The following BRAF variants were observed in gnomAD, a reference collection of about 807,000 sequenced individuals.
BRAF encodes the protein serine/threonine-protein kinase B-raf.
In BRAF, 16 loss-of-function variants were observed where a neutral mutation model predicts 104.6. The ratio of observed to expected loss-of-function variants is 0.15; its 90% CI spans 0.10 to 0.23. The LOEUF is 0.23. BRAF is among the 10% of genes least tolerant of loss of function. The pLI, the probability that BRAF is intolerant of heterozygous loss-of-function variation, is 1.00. For synonymous variants in BRAF, 310 were observed against 341.6 expected, an observed-to-expected ratio of 0.91 and a Z score of 1.02; for missense variants, 541 against 937.3, an observed-to-expected ratio of 0.58 and a Z score of 5.52.
intron 1 of BRAF, among the ~76,000 whole-genome samples, chr7:140,909,633 C>T (rs925200371): frequency 2.6e-5 from 4 of 152,106 alleles, no homozygotes; most frequent in African/African-American, 9.7e-5. Context: ...ACGTGATTTT[C>T]TAAAGGGGTG....
Position 140,804,186 on chromosome 7 carries a change from A to G in BRAF, c.712-2626T>C, listed in dbSNP as rs1004962246. 7.0e-4 allele frequency among the ~76,000 whole-genome samples: 105 copies of G among 150,872 alleles called. 4 individuals carry two copies. Among genetic ancestry groups the G allele is most frequent in the Non-Finnish European group, 1.3e-4 (9 of 67,826 alleles). On this transcript the variant is annotated intron_variant, in intron 5 of 19. Coordinates refer to ENST00000644969, the MANE Select transcript of BRAF (RefSeq NM_001374258.1). ...ATGAGCCACCACACTCGGCCTCTAT[A>G]TTCTTAATTCATTTCAGTTTTTCAG... is the stretch of plus-strand genomic sequence containing the variant.
downstream of BRAF, among the ~76,000 whole-genome samples, chr7:140,717,352 C>T (rs1585875930): frequency 6.6e-6 from 1 of 152,106 alleles, no homozygotes; most frequent in East Asian, 1.9e-4. Flanking sequence ...GCAATCACAG[C>T]TCACTGCAGC....
At chr7:140,734,528 T>C (rs1796218202) in intron 19 of BRAF, 10 of 1,611,324 alleles carry the variant, frequency 6.2e-6, no homozygotes, top group Non-Finnish European at 8.5e-6. Context: ...CAATTTAACA[T>C]ATAAGCAAAC....
intron 1 of BRAF, among the ~76,000 whole-genome samples, chr7:140,905,096 T>C (rs1249627090): frequency 6.6e-6 from 1 of 152,202 alleles, no homozygotes; most frequent in Non-Finnish European, 1.5e-5. Flanking sequence ...TCCTACATGC[T>C]TGAAAAGAAT....
chr7:140,890,765 G>A (rs1814128689), intron 1 of BRAF, among the ~76,000 whole-genome samples: 1 of 152,070 alleles, frequency 6.6e-6, no homozygotes, highest in African/African-American at 2.4e-5. Flanking sequence ...GTACAGGCAA[G>A]GTCAAAACCC....
At chr7:140,849,432 T>C (rs764483633) in intron 2 of BRAF, among the ~76,000 whole-genome samples, 5 of 151,968 alleles carry the variant, frequency 3.3e-5, no homozygotes, top group Non-Finnish European at 5.9e-5. Context: ...AAACTCATTC[T>C]GGAAAAAATA....
At chr7:140,790,311 CT>C (rs1210607120) in intron 8 of BRAF, among the ~76,000 whole-genome samples, 8 of 152,184 alleles carry the variant, frequency 5.3e-5, no homozygotes, top group Non-Finnish European at 1.2e-4. Flanking sequence ...CGAATGTGTT[CT>C]TAAAGCTCCT....
chr7:140,774,385 A>G (rs1800129694), intron 14 of BRAF, among the ~76,000 whole-genome samples: 1 of 152,174 alleles, frequency 6.6e-6, no homozygotes. Context: ...AAAATATATC[A>G]CCTCTTCACT....
In BRAF at chr7:140,805,876, T is replaced by C. The variant is rs532383331; in HGVS notation, c.711+2084A>G. The stretch of plus-strand genomic sequence containing the variant: ...ACACTTTTCCTTTCTAAGCAGAACA[T>C]AGGTTTTTGATCTTGCCTCTATATG... On this transcript the variant is annotated intron_variant, in intron 5 of 19. Transcript: ENST00000644969. 1.8e-3 allele frequency among the ~76,000 whole-genome samples: 281 copies of C among 152,280 alleles called. 1 individual carries two copies. Among genetic ancestry groups the C allele is most frequent in the African/African-American group, 6.3e-3 (260 of 41,558 alleles).
intron 2 of BRAF, among the ~76,000 whole-genome samples, chr7:140,840,712 G>A (rs1807867809): frequency 6.6e-6 from 1 of 151,236 alleles, no homozygotes. Context: ...GATGGCTTGA[G>A]CCTAGGAGGT....
intron 8 of BRAF, among the ~76,000 whole-genome samples, chr7:140,793,815 TG>T (rs1802242978): frequency 6.6e-6 from 1 of 152,124 alleles, no homozygotes; most frequent in South Asian, 2.1e-4. Flanking sequence ...TTGGTAGAGA[TG>T]GGGTCTCACT....
intron 3 of BRAF, among the ~76,000 whole-genome samples, chr7:140,819,982 A>G (rs915259616): frequency 6.6e-6 from 1 of 152,246 alleles, no homozygotes; most frequent in Non-Finnish European, 1.5e-5. Flanking sequence ...TTATATCTCA[A>G]TAAACCATCA....
At chr7:140,867,862 CT>C (rs894040669) in intron 1 of BRAF, among the ~76,000 whole-genome samples, 3 of 152,196 alleles carry the variant, frequency 2.0e-5, no homozygotes, top group Middle Eastern at 3.2e-3. Flanking sequence ...CTGCAATCCC[CT>C]TTCCATTCTG....
chr7:140,787,436 TAC>T, intron 9 of BRAF, 110 bp downstream of exon 9: 1 of 1,199,996 alleles, frequency 8.3e-7, no homozygotes, highest in South Asian at 1.4e-5. Flanking sequence ...TGGGTTTCTC[TAC>T]ACATTTTTCT....
intron 13 of BRAF, 58 bp downstream of exon 12, chr7:140,777,933 C>A: frequency 6.6e-7 from 1 of 1,509,222 alleles, no homozygotes; most frequent in Non-Finnish European, 9.2e-7. Flanking sequence ...CCACTGGGAA[C>A]CAGGAGCTAA....
At chr7:140,808,224 AT>A in intron 4 of BRAF, 162 bp from the exon 5 acceptor site, 1 of 682,448 alleles carries the variant, frequency 1.5e-6, no homozygotes. Context: ...CAATAAATTA[AT>A]TTTAAGTTTA....
In BRAF at chr7:140,794,904, T is replaced by C. The variant is rs565444084; in HGVS notation, c.981-437A>G. ...TAAGAAATTATAAATATTTTGAGAA[T>C]ACAAATGCATATTTCAGGACCTGAA... On this transcript the variant is annotated intron_variant, in intron 7 of 19. Coordinates refer to ENST00000644969, the MANE Select transcript of BRAF (RefSeq NM_001374258.1). Among the ~76,000 whole-genome samples the C allele has an allele frequency of 8.9e-4, 136 of 152,334 alleles. No homozygotes were observed. The highest frequency in any genetic ancestry group is 3.2e-3 in the African/African-American group (133 of 41,590).
chr7:140,902,204 T>C (rs1277242546), intron 1 of BRAF, among the ~76,000 whole-genome samples: 2 of 152,234 alleles, frequency 1.3e-5, no homozygotes, highest in Non-Finnish European at 2.9e-5. Context: ...GTAATTCTCA[T>C]AGTATTTCAA....
chr7:140,720,710 G>C lies in BRAF; in HGVS notation c.*5784C>G. On this transcript the variant is annotated 3_prime_UTR_variant, in exon 20 of 20. Coordinates refer to ENST00000644969, the MANE Select transcript of BRAF (RefSeq NM_001374258.1). ...TGTTCTCTACATCTGTGCCTACTCT[G>C]TGAGCTTTGTTGTTTATGCTAGTTT... 2 of 1,065,624 alleles carry C rather than the reference G, an allele frequency of 1.9e-6. No individual in the cohort carries two copies. Among genetic ancestry groups the C allele is most frequent in the African/African-American group, 3.3e-5 (2 of 61,112 alleles). The allele number at this position is 1,065,624 out of a possible 1,614,324, so 66.0% of individuals were successfully genotyped here.
Sources: gnomAD v4.1 joint callset for allele counts (sites outside exome capture counted in the v4.1 genomes callset) on GRCh38, gnomAD v4.1.1 for gene constraint, MANE v1.5 for transcripts, NCBI Gene and HGNC (gene_info 2026-07-23, HGNC 2026-07-21) for gene names.